SCARF1: variants seen among roughly 807,000 people sequenced by gnomAD.
SCARF1 encodes the protein acetyl LDL receptor.
In SCARF1, 49 loss-of-function variants were observed where a neutral mutation model predicts 76.3. The observed-to-expected ratio is 0.64, with a 90% CI of 0.51 to 0.81. The LOEUF (loss-of-function observed/expected upper bound fraction) is 0.81, where lower values mean the gene tolerates loss of function less well. SCARF1 is among the 40% of genes least tolerant of loss of function. SCARF1 has a pLI of 0.00. For missense variants in SCARF1, 1,098 were observed against 1,143.9 expected, an observed-to-expected ratio of 0.96 and a Z score of 0.58; for synonymous variants, 495 against 474.6, an observed-to-expected ratio of 1.04 and a Z score of -0.56.
intron 4 of SCARF1, among the ~76,000 whole-genome samples, chr17:1,642,020 C>T: frequency 6.6e-6 from 1 of 152,130 alleles, no homozygotes; most frequent in Non-Finnish European, 1.5e-5. Context: ...CCGCGCCCAG[C>T]CAGGGATGAA....
chr17:1,639,243 C>G (rs374557168), intron 7 of SCARF1, among the ~76,000 whole-genome samples: 1 of 152,230 alleles, frequency 6.6e-6, no homozygotes, highest in Admixed American at 6.5e-5. Flanking sequence ...CAGTGGCTCA[C>G]GTCTGTAATC....
Position 1,640,511 on chromosome 17 carries a change from C to T in SCARF1, c.947G>A (p.Gly316Glu), listed in dbSNP as rs142937472. 34 of 1,589,952 alleles carry T rather than the reference C, an allele frequency of 2.1e-5. No individual in the cohort carries two copies. The African/African-American group carries it at 4.3e-4, about 20-fold the overall frequency. The part of the protein sequence containing the change: ...CEQQCPHCRH[G>E]EACEPDTGHC... ...GCCAGTATCTGGCTCACAGGCCTCC[C>T]CATGTCGGCAGTGAGGGCACTGCTG... The change falls in exon 5 of 11, where the codon GGG (glycine) becomes GAG (glutamate). Residue 316 changes from glycine to glutamate, a missense_variant. Transcript: ENST00000263071. This position sits in a 1 kb window ranked among gnomAD's most constrained non-coding sequence, Gnocchi z 4.7.
rs760956337 is a variant in SCARF1 at position 1,640,210 on chromosome 17, G to A, written c.1011-170C>T. The A allele has an allele frequency of 2.4e-6, 2 of 836,890 alleles. No homozygotes were observed. The highest frequency in any genetic ancestry group is 1.8e-5 in the South Asian group (1 of 55,948). The allele number at this position is 836,890 out of a possible 1,614,324, so 51.8% of individuals were successfully genotyped here. On this transcript the variant is annotated intron_variant, in intron 5 of 10. Transcript: ENST00000263071. The surrounding 1 kb of genome is among the most constrained non-coding windows in gnomAD (Gnocchi z 4.7). ...TTGAACTTGGGGCCAAATCCAGCAG[G>A]TGACAGACTACAAGTCCCCAGAGGG... is the stretch of plus-strand genomic sequence containing the variant.
chr17:1,637,771 G>A (rs1814985), intron 8 of SCARF1, among the ~76,000 whole-genome samples: 4 of 151,950 alleles, frequency 2.6e-5, no homozygotes, highest in Non-Finnish European at 4.4e-5. Context: ...TGCGCCCGGC[G>A]CACCTGTCTC....
intron 4 of SCARF1, among the ~76,000 whole-genome samples, chr17:1,643,046 A>T (rs1003209761): frequency 6.6e-6 from 1 of 152,018 alleles, no homozygotes; most frequent in African/African-American, 2.4e-5. Flanking sequence ...GTTTTTTGAG[A>T]GGAGCACCGC....
chr17:1,635,201 T>C lies in SCARF1; in HGVS notation c.2050A>G (p.Ser684Gly). Reference protein sequence around the residue: ...VEAIEGSVQESSGPVTTIYML... With the variant: ...VEAIEGSVQEGSGPVTTIYML... ...TAGATCGTGGTCACAGGGCCCGAGC[T>C]CTCCTGGACGCTGCCCTCAATGGCT... Residue 684 changes from serine (S) to glycine (G), a missense_variant, in exon 11 of 11, where the codon AGC becomes GGC. Transcript: ENST00000263071. The C allele has an allele frequency of 6.2e-7, 1 of 1,613,316 alleles. No homozygotes were observed. Among genetic ancestry groups the C allele is most frequent in the South Asian group, 1.1e-5 (1 of 91,080 alleles).
chr17:1,640,741 C>A lies in SCARF1; in HGVS notation c.792-75G>T. On this transcript the variant is annotated intron_variant, in intron 4 of 10. Transcript: ENST00000263071. This position sits in a 1 kb window ranked among gnomAD's most constrained non-coding sequence, Gnocchi z 4.7. ...GCCCACCCCCTCCTACCCCTGTACTCCACGCAGGCCTTCGGGGGCCCTGGA... is the reference window on the plus strand; with the variant it reads ...GCCCACCCCCTCCTACCCCTGTACTACACGCAGGCCTTCGGGGGCCCTGGA... 7.1e-7 allele frequency: 1 copy of A among 1,401,128 alleles called. No individual in the cohort carries two copies. The allele number at this position is 1,401,128 out of a possible 1,614,324, so 86.8% of individuals were successfully genotyped here. A position where few individuals can be genotyped will look rare whatever the true frequency, so the allele number is the denominator to read the frequency against.
Position 1,645,557 on chromosome 17 carries a change from C to T in SCARF1, c.101+40G>A. 7.6e-6 allele frequency: 12 copies of T among 1,585,508 alleles called. No individual in the cohort carries two copies. The highest frequency in any genetic ancestry group is 1.0e-5 in the Non-Finnish European group (12 of 1,171,064). ...ACCCGCATCAGACTCCCACGAGACCCACCTGCTGGCCACACGCATCAGACT... is the reference window on the plus strand; with the variant it reads ...ACCCGCATCAGACTCCCACGAGACCTACCTGCTGGCCACACGCATCAGACT... On this transcript the variant is annotated intron_variant, in intron 1 of 10. Coordinates refer to ENST00000263071, the MANE Select transcript of SCARF1 (RefSeq NM_003693.4). This position sits in a 1 kb window ranked among gnomAD's most constrained non-coding sequence, Gnocchi z 6.3.
At position 1,635,197 on chromosome 17, in the gene SCARF1, G is replaced by A. The variant is rs202114778; in HGVS notation, c.2054C>T (p.Ser685Leu). The stretch of plus-strand genomic sequence containing the variant: ...CATGTAGATCGTGGTCACAGGGCCC[G>A]AGCTCTCCTGGACGCTGCCCTCAAT... ...EAIEGSVQES[S>L]GPVTTIYMLA... Residue 685 changes from serine (S) to leucine (L), a missense_variant, in exon 11 of 11, where the codon TCG becomes TTG. Ser to Leu is a moderately radical substitution (Grantham distance 145). Coordinates refer to ENST00000263071, the MANE Select transcript of SCARF1 (RefSeq NM_003693.4). The A allele has an allele frequency of 1.5e-5, 25 of 1,613,358 alleles. No homozygotes were observed. Among genetic ancestry groups the A allele is most frequent in the South Asian group, 2.2e-5 (2 of 91,090 alleles).
At position 1,645,577 on chromosome 17, in the gene SCARF1, C is replaced by T. The variant is rs781006142; in HGVS notation, c.101+20G>A. On this transcript the variant is annotated intron_variant, in intron 1 of 10. Transcript: ENST00000263071. This position sits in a 1 kb window ranked among gnomAD's most constrained non-coding sequence, Gnocchi z 6.3. Reference sequence around the variant, plus strand: ...AGACCCACCTGCTGGCCACACGCATCAGACTCCCACGAGACCCACCTGCTG... The same window carrying T: ...AGACCCACCTGCTGGCCACACGCATTAGACTCCCACGAGACCCACCTGCTG... 17 of 1,597,440 alleles carry T rather than the reference C, an allele frequency of 1.1e-5. No individual in the cohort carries two copies. The highest frequency in any genetic ancestry group is 1.4e-5 in the Non-Finnish European group (17 of 1,175,772).
chr17:1,635,388 C>T lies in SCARF1; in HGVS notation c.1863G>A (p.Arg621=). The part of the protein sequence containing the change: ...SPLRKPKRLS[R]GAQSGPEGRE... ...GGCCCTCAGGACCCGACTGCGCCCC[C>T]CGGGAGAGCCTCTTGGGCTTTCGGA... Residue 621 remains arginine, a synonymous_variant, in exon 11 of 11, where the codon CGG becomes CGA. Coordinates refer to ENST00000263071, the MANE Select transcript of SCARF1 (RefSeq NM_003693.4). 1.2e-6 allele frequency: 2 copies of T among 1,613,616 alleles called. No individual in the cohort carries two copies. Among genetic ancestry groups the T allele is most frequent in the Non-Finnish European group, 1.7e-6 (2 of 1,179,680 alleles).
At chr17:1,637,621 C>T (rs1483884957) in intron 8 of SCARF1, among the ~76,000 whole-genome samples, 3 of 152,056 alleles carry the variant, frequency 2.0e-5, no homozygotes, top group South Asian at 2.1e-4. Context: ...TACAGGCGTG[C>T]ACCACCACAC....
At position 1,645,337 on chromosome 17, in the gene SCARF1, C is replaced by G; in HGVS notation, c.102-98G>C. The G allele has an allele frequency of 6.7e-7, 1 of 1,493,228 alleles. No individual in the cohort carries two copies. Among genetic ancestry groups the G allele is most frequent in the Non-Finnish European group, 9.1e-7 (1 of 1,097,942 alleles). 92.5% of individuals were successfully genotyped at this position (1,493,228 alleles called of 1,614,324 possible). A position where few individuals can be genotyped will look rare whatever the true frequency, so the allele number is the denominator to read the frequency against. ...CTCTGGCTGCAGTGGGGGAGGCTGC[C>G]TTAGCCCCCTGGGGAGGCCTAATGG... On this transcript the variant is annotated intron_variant, in intron 1 of 10. Coordinates refer to ENST00000263071, the MANE Select transcript of SCARF1 (RefSeq NM_003693.4). This position sits in a 1 kb window ranked among gnomAD's most constrained non-coding sequence, Gnocchi z 6.3.
In SCARF1 at chr17:1,643,560, A is replaced by G; in HGVS notation, c.673T>C (p.Cys225Arg). ...GCGGCGCTGCAGCGGCCCCGCACAC[A>G]CTCGCACTGCTGCTGGCATTCGGGA... ...WGPECQQQCECVRGRCSAASG... is the reference protein window; with the variant it reads ...WGPECQQQCERVRGRCSAASG... Residue 225 changes from cysteine to arginine, a missense_variant, in exon 4 of 11, where the codon TGT becomes CGT. Physicochemically the swap from Cys to Arg is radical, Grantham distance 180. Transcript: ENST00000263071. 2 of 1,463,498 alleles carry G rather than the reference A, an allele frequency of 1.4e-6. No individual in the cohort carries two copies. Among genetic ancestry groups the G allele is most frequent in the Non-Finnish European group, 1.8e-6 (2 of 1,114,656 alleles). The allele number at this position is 1,463,498 out of a possible 1,614,324, so 90.7% of individuals were successfully genotyped here.
rs1453466462 is a variant in SCARF1 at position 1,645,353 on chromosome 17, G to A, written c.102-114C>T. ...GGAGGCTGCCTTAGCCCCCTGGGGA[G>A]GCCTAATGGATCTTTACAGCTAGGG... is the stretch of plus-strand genomic sequence containing the variant. On this transcript the variant is annotated intron_variant, in intron 1 of 10. Coordinates refer to ENST00000263071, the MANE Select transcript of SCARF1 (RefSeq NM_003693.4). This position sits in a 1 kb window ranked among gnomAD's most constrained non-coding sequence, Gnocchi z 6.3. The A allele has an allele frequency of 5.6e-6, 8 of 1,435,506 alleles. No homozygotes were observed. Among genetic ancestry groups the A allele is most frequent in the African/African-American group, 2.8e-5 (2 of 71,238 alleles). 88.9% of individuals were successfully genotyped at this position (1,435,506 alleles called of 1,614,324 possible).
rs1180326322 is a variant in SCARF1, at chr17:1,635,183, T to C, written c.2068A>G (p.Thr690Ala). ...SVQESSGPVT[T>A]IYMLAGKPRG... ...GGCTTCCCTGCCAGCATGTAGATCG[T>C]GGTCACAGGGCCCGAGCTCTCCTGG... The change falls in exon 11 of 11, where the codon ACG becomes GCG. Residue 690 changes from threonine to alanine, a missense_variant. By Grantham distance (58) the Thr-to-Ala change is moderately conservative. Transcript: ENST00000263071. 1 of 1,613,454 alleles carries C rather than the reference T, an allele frequency of 6.2e-7. No homozygotes were observed. The highest frequency in any genetic ancestry group is 1.3e-5 in the African/African-American group (1 of 75,048).
chr17:1,638,600 G>C lies in SCARF1; in HGVS notation c.1364+206C>G, dbSNP rs117278990. 2,117 of 492,714 alleles carry C rather than the reference G, an allele frequency of 4.3e-3. 51 individuals carry two copies. The East Asian group carries it at 0.044, about 10-fold the overall frequency. 30.5% of individuals were successfully genotyped at this position (492,714 alleles called of 1,614,324 possible). On this transcript the variant is annotated intron_variant, in intron 8 of 10. Transcript: ENST00000263071. ...ACTGCCAACTACCTCCATCACCTCT[G>C]ACCTACGTGGGCGACAAGGCCAGCC...
chr17:1,640,765 G>C lies in SCARF1; in HGVS notation c.792-99C>G. 8.6e-7 allele frequency: 1 copy of C among 1,163,016 alleles called. No homozygotes were observed. The highest frequency in any genetic ancestry group is 1.2e-6 in the Non-Finnish European group (1 of 804,086). 72.0% of individuals were successfully genotyped at this position (1,163,016 alleles called of 1,614,324 possible). A position where few individuals can be genotyped will look rare whatever the true frequency, so the allele number is the denominator to read the frequency against. On this transcript the variant is annotated intron_variant, in intron 4 of 10. Coordinates refer to ENST00000263071, the MANE Select transcript of SCARF1 (RefSeq NM_003693.4). This position sits in a 1 kb window ranked among gnomAD's most constrained non-coding sequence, Gnocchi z 4.7. ...TCCACGCAGGCCTTCGGGGGCCCTG[G>C]AGAGTGTTCGGGTCCCACCTGGGTC... is the stretch of plus-strand genomic sequence containing the variant.
chr17:1,638,959 C>T (rs1909816947), intron 7 of SCARF1, 33 bp from the exon 8 acceptor site: 2 of 1,553,530 alleles, frequency 1.3e-6, no homozygotes, highest in South Asian at 2.5e-5. Context: ...ATATTCAGGC[C>T]TTCCTGTCTC....
Sources: gnomAD v4.1 joint callset for allele counts (sites outside exome capture counted in the v4.1 genomes callset) on GRCh38, gnomAD v4.1.1 for gene constraint, Gnocchi (gnomAD v3.1) non-coding constraint, MANE v1.5 for transcripts, NCBI Gene and HGNC (gene_info 2026-07-23, HGNC 2026-07-21) for gene names.